Variants in RBFOX1 observed in about 807,000 individuals in gnomAD.
RBFOX1 encodes RNA binding fox-1 homolog 1.
Under a neutral mutation model 57.7 loss-of-function variants are expected in RBFOX1, and 8 were observed. That is an observed-to-expected ratio of 0.14 (90% CI 0.08 to 0.25). The LOEUF (loss-of-function observed/expected upper bound fraction) is 0.25. Among genes scored for constraint, RBFOX1 ranks in the 10% least tolerant of loss-of-function variants. RBFOX1 has a pLI of 1.00. For synonymous variants in RBFOX1, 326 were observed against 222.4 expected (o/e 1.47, Z -4.15); for missense variants, 611 against 548.5 (o/e 1.11, Z -1.14).
Position 6,412,636 on chromosome 16 carries a change from C to T in RBFOX1, c.-64+95579C>T, listed in dbSNP as rs183251359. Among the ~76,000 whole-genome samples, 41 of 152,302 alleles carry T rather than the reference C, an allele frequency of 2.7e-4. No homozygotes were observed. In the East Asian group the frequency reaches 3.9e-3, roughly 14 times the overall value. On this transcript the variant is annotated intron_variant, in intron 2 of 15. Coordinates refer to ENST00000550418, the MANE Select transcript of RBFOX1 (RefSeq NM_018723.4). Reference sequence around the variant, plus strand: ...GCATGCACCTGCAATAATAAGCAAGCGCTTCACATGCACTTTGATGTGCTC... The same window carrying T: ...GCATGCACCTGCAATAATAAGCAAGTGCTTCACATGCACTTTGATGTGCTC...
chr16:6,978,556 A>G lies in RBFOX1; in HGVS notation c.-15-73501A>G. Among the ~76,000 whole-genome samples, 2 of 151,250 alleles carry G rather than the reference A, an allele frequency of 1.3e-5. 1 individual carries two copies. The highest frequency in any genetic ancestry group is 3.0e-5 in the Non-Finnish European group (2 of 67,748). On this transcript the variant is annotated intron_variant, in intron 3 of 15. Coordinates refer to ENST00000550418, the MANE Select transcript of RBFOX1 (RefSeq NM_018723.4). ...GAAGTTAAAGTAACTCACTACAGTC[A>G]TAGAGCCCCTTTCTCCTTTCTATAT... is the stretch of plus-strand genomic sequence containing the variant.
rs75070330 is a variant in RBFOX1 at position 6,906,724 on chromosome 16, A to T, written c.-15-145333A>T. Among the ~76,000 whole-genome samples, 10 of 141,948 alleles carry T rather than the reference A, an allele frequency of 7.0e-5. No individual in the cohort carries two copies. In the East Asian group the frequency reaches 1.0e-3, roughly 15 times the overall value. The allele number at this position is 141,948 out of a possible 152,430, so 93.1% of individuals were successfully genotyped here. A position where few individuals can be genotyped will look rare whatever the true frequency, so the allele number is the denominator to read the frequency against. ...GTGCTCCATAAATATTTGCAGAACT[A>T]TTTTTTTTTTTTTTTTGAGACAGAG... On this transcript the variant is annotated intron_variant, in intron 3 of 15. Transcript: ENST00000550418.
At chr16:6,527,821 A>G (rs2096602201) in intron 2 of RBFOX1, among the ~76,000 whole-genome samples, 1 of 152,060 alleles carries the variant, frequency 6.6e-6, no homozygotes, top group South Asian at 2.1e-4. Flanking sequence ...GGACGTGTGG[A>G]TGCACACAGC....
At chr16:7,609,806 T>G (rs924203216) in intron 10 of RBFOX1, among the ~76,000 whole-genome samples, 1 of 148,226 alleles carries the variant, frequency 6.7e-6, no homozygotes, top group Non-Finnish European at 1.5e-5. Context: ...GGTGGGGTTT[T>G]GTTTGTTTGT....
At chr16:6,214,741 G>GAA (rs2152861286) in intron 1 of RBFOX1, among the ~76,000 whole-genome samples, 1 of 123,208 alleles carries the variant, frequency 8.1e-6, no homozygotes, top group African/African-American at 3.1e-5. Flanking sequence ...GAAGGAGAGG[G>GAA]AGAAGGAGAA....
At chr16:7,388,392 T>A (rs1259810343) in intron 4 of RBFOX1, among the ~76,000 whole-genome samples, 4 of 152,198 alleles carry the variant, frequency 2.6e-5, no homozygotes, top group African/African-American at 9.6e-5. Context: ...ATTGCTGGGG[T>A]GTATAATTTA....
intron 4 of RBFOX1, among the ~76,000 whole-genome samples, chr16:7,057,432 C>T (rs1251510235): frequency 6.6e-6 from 1 of 152,196 alleles, no homozygotes; most frequent in Non-Finnish European, 1.5e-5. Context: ...CTGGATTTTT[C>T]TTTTGATAAA....
intron 3 of RBFOX1, among the ~76,000 whole-genome samples, chr16:6,657,155 C>A (rs1231141317): frequency 6.6e-6 from 1 of 150,408 alleles, no homozygotes; most frequent in East Asian, 2.0e-4. Flanking sequence ...CTTCTCTCCT[C>A]TTTTCCTCCT....
At chr16:7,617,955 A>T (rs1021618110) in intron 10 of RBFOX1, among the ~76,000 whole-genome samples, 2 of 151,790 alleles carry the variant, frequency 1.3e-5, no homozygotes, top group African/African-American at 2.4e-5. Flanking sequence ...GGTGGTTGGT[A>T]GGGTCCCAAG....
intron 2 of RBFOX1, among the ~76,000 whole-genome samples, chr16:6,407,569 C>CAGAGAGAGAGAGAGAGAGAGAG (rs71145224): frequency 3.9e-5 from 1 of 25,914 alleles, no homozygotes; most frequent in South Asian, 1.1e-3. Flanking sequence ...GTGTGTGTGA[C>CAGAGAGAGAGAGAGAGAGAGAG]AGAGAGAGAG....
intron 3 of RBFOX1, among the ~76,000 whole-genome samples, chr16:6,689,225 G>C (rs1255400537): frequency 6.6e-6 from 1 of 152,146 alleles, no homozygotes; most frequent in Non-Finnish European, 1.5e-5. Context: ...TATGTCTGGA[G>C]TTTTTGTAGG....
At chr16:7,495,246 C>T (rs999372793) in intron 4 of RBFOX1, among the ~76,000 whole-genome samples, 1 of 152,180 alleles carries the variant, frequency 6.6e-6, no homozygotes, top group Non-Finnish European at 1.5e-5. Context: ...AATTCCATGT[C>T]TCTGCTGTTG....
chr16:5,785,095 T>C (rs148676974), intron 3 of RBFOX1, among the ~76,000 whole-genome samples: 1 of 150,768 alleles, frequency 6.6e-6, no homozygotes, highest in Non-Finnish European at 1.5e-5. Context: ...CATAAAGGCA[T>C]GCAACTTTTA....
chr16:5,476,940 A>G (rs760966376), intron 2 of RBFOX1, among the ~76,000 whole-genome samples: 2 of 152,210 alleles, frequency 1.3e-5, no homozygotes, highest in Non-Finnish European at 2.9e-5. Context: ...AGCACATACT[A>G]AACTTTTTGT....
At chr16:5,944,042 C>T (rs1311863368) in intron 4 of RBFOX1, among the ~76,000 whole-genome samples, 2 of 150,174 alleles carry the variant, frequency 1.3e-5, no homozygotes, top group Non-Finnish European at 2.9e-5. Context: ...ATCCAGTTAT[C>T]ATCAATCCAT....
At chr16:5,669,272 C>T (rs1304083025) in intron 3 of RBFOX1, among the ~76,000 whole-genome samples, 1 of 152,078 alleles carries the variant, frequency 6.6e-6, no homozygotes, top group African/African-American at 2.4e-5. Flanking sequence ...CCACCCTCAG[C>T]TCCAAACTCT....
At chr16:6,158,713 G>T (rs2096856124) in intron 1 of RBFOX1, among the ~76,000 whole-genome samples, 2 of 152,160 alleles carry the variant, frequency 1.3e-5, no homozygotes, top group Non-Finnish European at 2.9e-5. Context: ...ACATTTTGCT[G>T]TGTGTATGAC....
At chr16:7,381,731 C>G (rs1015792895) in intron 4 of RBFOX1, among the ~76,000 whole-genome samples, 3 of 152,160 alleles carry the variant, frequency 2.0e-5, no homozygotes, top group Non-Finnish European at 2.9e-5. Flanking sequence ...GGCACACTTT[C>G]CCTTAATGGT....
intron 1 of RBFOX1, among the ~76,000 whole-genome samples, chr16:5,288,447 G>T (rs980167810): frequency 3.9e-5 from 6 of 151,974 alleles, no homozygotes; most frequent in Admixed American, 1.3e-4. Context: ...CCCCAGACAG[G>T]TACTTTGCCC....
Sources: gnomAD v4.1 joint callset for allele counts (sites outside exome capture counted in the v4.1 genomes callset) on GRCh38, gnomAD v4.1.1 for gene constraint, MANE v1.5 for transcripts, NCBI Gene and HGNC (gene_info 2026-07-23, HGNC 2026-07-21) for gene names.